Variants in CEP152 observed in about 807,000 individuals in gnomAD.
The protein encoded by CEP152 is centrosomal protein of 152 kDa.
In CEP152, 132 loss-of-function variants were observed where a neutral mutation model predicts 188.9. The observed-to-expected ratio is 0.70, with a 90% CI of 0.61 to 0.81. The LOEUF (loss-of-function observed/expected upper bound fraction) is 0.81. Ranked by LOEUF, CEP152 falls within the 30% of genes least tolerant of loss-of-function variation. The probability of loss-of-function intolerance (pLI) is 0.00; values close to 1 mark genes in which losing one functional copy is unlikely to be tolerated. For missense variants in CEP152, 1,914 were observed against 1,969.8 expected, an observed-to-expected ratio of 0.97 and a Z score of 0.54; for synonymous variants, 649 against 666.6, an observed-to-expected ratio of 0.97 and a Z score of 0.41.
chr15:48,760,082 G>T, intron 19 of CEP152, 53 bp downstream of exon 19: 1 of 1,611,800 alleles, frequency 6.2e-7, no homozygotes, highest in Non-Finnish European at 8.5e-7. Flanking sequence ...TGAGATAAGA[G>T]AAGGGGTCAG....
At chr15:48,772,326 G>A (rs911066415) in intron 13 of CEP152, among the ~76,000 whole-genome samples, 161 bp downstream of exon 13, 2 of 152,000 alleles carry the variant, frequency 1.3e-5, no homozygotes, top group Admixed American at 1.3e-4. Flanking sequence ...TGGGAGCATC[G>A]CTTTAGCCTG....
intron 22 of CEP152, among the ~76,000 whole-genome samples, chr15:48,747,787 CCA>C (rs1172382501): frequency 1.3e-5 from 2 of 152,070 alleles, no homozygotes; most frequent in African/African-American, 4.8e-5. Flanking sequence ...GATCTAAGCC[CCA>C]AAACTTCCCT....
At chr15:48,756,639 T>A in intron 19 of CEP152, 86 bp from the exon 20 acceptor site, 1 of 1,219,340 alleles carries the variant, frequency 8.2e-7, no homozygotes, top group Non-Finnish European at 1.2e-6. Flanking sequence ...TTGGTTAACC[T>A]CTGAAGCTAG....
At position 48,797,744 on chromosome 15, in the gene CEP152, A is replaced by G; in HGVS notation, c.192-14T>C. 1 of 1,613,334 alleles carries G rather than the reference A, an allele frequency of 6.2e-7. No homozygotes were observed. Among genetic ancestry groups the G allele is most frequent in the Non-Finnish European group, 8.5e-7 (1 of 1,179,414 alleles). ...GGATGATGTGGTCTCGAGAAAAAGG[A>G]ATACTTTCGATTTAAAGCGTATCAT... On this transcript the variant is annotated splice_polypyrimidine_tract_variant and intron_variant, in intron 3 of 26. Transcript: ENST00000380950.
rs1176495840 is a variant in CEP152 at position 48,756,295 on chromosome 15, C to A, written c.2953G>T (p.Asp985Tyr). Residue 985 changes from aspartate (D) to tyrosine (Y), a missense_variant, in exon 20 of 27, where the codon GAT (aspartate) becomes TAT (tyrosine). Coordinates refer to ENST00000380950, the MANE Select transcript of CEP152 (RefSeq NM_001194998.2). ...ACCTCATTAATTTTATTTCGGTGAT[C>A]ATCTAAAAATTGCCGGTAATCTTGC... is the stretch of plus-strand genomic sequence containing the variant. ...NEQDYRQFLD[D>Y]HRNKINEVLA... 6.3e-7 allele frequency: 1 copy of A among 1,576,516 alleles called. No homozygotes were observed. The highest frequency in any genetic ancestry group is 1.4e-5 in the African/African-American group (1 of 72,942).
intron 9 of CEP152, among the ~76,000 whole-genome samples, chr15:48,786,637 A>T (rs912282097): frequency 6.6e-6 from 1 of 152,220 alleles, no homozygotes; most frequent in Non-Finnish European, 1.5e-5. Flanking sequence ...CAAAGCAGCT[A>T]TGCAATTATA....
intron 10 of CEP152, 152 bp from the exon 11 acceptor site, chr15:48,782,382 C>T (rs1361071430): frequency 1.4e-6 from 1 of 703,532 alleles, no homozygotes; most frequent in African/African-American, 1.8e-5. Flanking sequence ...CCATGGGACC[C>T]AGAAGGCATA....
At chr15:48,783,676 C>A (rs546213912) in intron 10 of CEP152, among the ~76,000 whole-genome samples, 2 of 150,908 alleles carry the variant, frequency 1.3e-5, no homozygotes, top group Admixed American at 1.3e-4. Flanking sequence ...AGTAGAATTA[C>A]GGTTATTTTT....
chr15:48,762,494 A>C lies in CEP152; in HGVS notation c.2459T>G (p.Ile820Ser). ...CTTCTCTTGTTCTAAGTTTTGCTGGATTGTGCACTTCTGCTCTTCTATCAT... is the reference window on the plus strand; with the variant it reads ...CTTCTCTTGTTCTAAGTTTTGCTGGCTTGTGCACTTCTGCTCTTCTATCAT... The part of the protein sequence containing the change: ...AIMIEEQKCT[I>S]QQNLEQEKDI... Residue 820 changes from isoleucine (I) to serine (S), a missense_variant, in exon 18 of 27, where the codon ATC becomes AGC. By Grantham distance (142) the Ile-to-Ser change is moderately radical (BLOSUM62 -2). Coordinates refer to ENST00000380950, the MANE Select transcript of CEP152 (RefSeq NM_001194998.2). 2 of 1,614,002 alleles carry C rather than the reference A, an allele frequency of 1.2e-6. No individual in the cohort carries two copies. The highest frequency in any genetic ancestry group is 2.2e-5 in the South Asian group (2 of 91,072).
At chr15:48,755,576 G>T (rs1894194098) in intron 20 of CEP152, among the ~76,000 whole-genome samples, 1 of 152,130 alleles carries the variant, frequency 6.6e-6, no homozygotes, top group Non-Finnish European at 1.5e-5. Flanking sequence ...GTATACATGT[G>T]CCATGGTGGT....
rs778066207 is a variant in CEP152 at position 48,767,413 on chromosome 15, C to T, written c.2069G>A (p.Arg690His). ...AGCATGCTTTGCTAATAGGCTTTCA[C>T]GTATTTGAGTTTTCATGGCTTCATG... ...QHHEAMKTQI[R>H]ESLLAKHALE... The change falls in exon 16 of 27, where the codon CGT becomes CAT. Residue 690 changes from arginine (R) to histidine (H), a missense_variant. Physicochemically the swap from Arg to His is conservative, Grantham distance 29. Transcript: ENST00000380950. 4.3e-6 allele frequency: 7 copies of T among 1,614,144 alleles called. No individual in the cohort carries two copies. The highest frequency in any genetic ancestry group is 2.2e-5 in the East Asian group (1 of 44,884).
intron 22 of CEP152, among the ~76,000 whole-genome samples, chr15:48,746,344 A>G (rs1209314586): frequency 6.6e-6 from 1 of 152,148 alleles, no homozygotes; most frequent in Non-Finnish European, 1.5e-5. Context: ...ATTATTATTT[A>G]TAAATAATAG....
chr15:48,734,779 A>G (rs540928373), downstream of CEP152, among the ~76,000 whole-genome samples: 4 of 152,322 alleles, frequency 2.6e-5, no homozygotes, highest in East Asian at 5.8e-4. Flanking sequence ...GTAGATACAA[A>G]GAGGGATATT....
intron 1 of CEP152, among the ~76,000 whole-genome samples, chr15:48,808,700 T>G (rs760461610): frequency 7.9e-5 from 12 of 152,164 alleles, no homozygotes; most frequent in Non-Finnish European, 1.2e-4. Context: ...TTTGTATGGC[T>G]CATGAGTTGC....
At chr15:48,766,860 G>A (rs552407142) in intron 17 of CEP152, among the ~76,000 whole-genome samples, 200 bp downstream of exon 17, 77 of 147,864 alleles carry the variant, frequency 5.2e-4, no homozygotes, top group African/African-American at 1.8e-3. Context: ...ATATGCCATT[G>A]TACATTAAGG....
intron 22 of CEP152, among the ~76,000 whole-genome samples, chr15:48,745,937 T>C (rs991438378): frequency 6.6e-6 from 1 of 152,158 alleles, no homozygotes; most frequent in Non-Finnish European, 1.5e-5. Flanking sequence ...AATATAAATG[T>C]GAACATGGCA....
chr15:48,802,712 A>G (rs1278035082), intron 2 of CEP152, among the ~76,000 whole-genome samples: 1 of 152,188 alleles, frequency 6.6e-6, no homozygotes, highest in Non-Finnish European at 1.5e-5. Context: ...AATATTGAAT[A>G]AAGTATTTAC....
At chr15:48,798,170 TTTAA>T in intron 2 of CEP152, 119 bp from the exon 3 acceptor site, 1 of 729,446 alleles carries the variant, frequency 1.4e-6, no homozygotes, top group Non-Finnish European at 2.5e-6. Flanking sequence ...AATTCCCTCC[TTTAA>T]TTAACTTCTT....
intron 13 of CEP152, among the ~76,000 whole-genome samples, chr15:48,769,838 G>GC (rs1567001471): frequency 1.3e-5 from 2 of 152,144 alleles, no homozygotes; most frequent in Non-Finnish European, 2.9e-5. Flanking sequence ...TTGGCGAATT[G>GC]CCTTCCAGAA....
Sources: allele counts gnomAD v4.1 joint callset (sites outside exome capture counted in the v4.1 genomes callset), GRCh38; gene constraint gnomAD v4.1.1; transcripts MANE v1.5; gene names NCBI Gene and HGNC (gene_info 2026-07-23, HGNC 2026-07-21).